The following SHANK2 variants were observed in gnomAD, a reference collection of about 807,000 sequenced individuals.
The protein encoded by SHANK2 is SH3 and multiple ankyrin repeat domains 2.
A neutral mutation model predicts 133.7 loss-of-function variants in SHANK2; 43 were observed. That is an observed-to-expected ratio of 0.32 (90% CI 0.25 to 0.41). The LOEUF is 0.41. Ranked by LOEUF, SHANK2 falls within the 10% of genes least tolerant of loss-of-function variation. The pLI is 1.00. For synonymous variants in SHANK2, 1,017 were observed against 952.8 expected (o/e 1.07, Z -1.24); for missense variants, 1,994 against 2,235.8 (o/e 0.89, Z 2.18).
At chr11:70,802,619 T>G (rs1011068006) in intron 13 of SHANK2, among the ~76,000 whole-genome samples, 18 of 152,204 alleles carry the variant, frequency 1.2e-4, no homozygotes, top group African/African-American at 4.1e-4. Context: ...CTGCTTAAAT[T>G]GACACAGGAC....
intron 15 of SHANK2, among the ~76,000 whole-genome samples, chr11:70,669,801 C>T (rs566118157): frequency 6.6e-6 from 1 of 152,014 alleles, no homozygotes; most frequent in African/African-American, 2.4e-5. Flanking sequence ...CGTGTAGAAC[C>T]ACTCGGAGGG....
intron 2 of SHANK2, among the ~76,000 whole-genome samples, chr11:71,195,264 C>A (rs941567250): frequency 4.6e-5 from 7 of 152,040 alleles, no homozygotes; most frequent in Non-Finnish European, 7.4e-5. Flanking sequence ...TGGTGGCGGG[C>A]GCCTGTAGTC....
At chr11:70,661,745 C>G in intron 15 of SHANK2, 67 bp from the exon 16 acceptor site, 1 of 1,614,138 alleles carries the variant, frequency 6.2e-7, no homozygotes, top group Non-Finnish European at 8.5e-7. Flanking sequence ...GGCCGCTCCT[C>G]CGCCGGGGAC....
chr11:70,753,964 AC>A (rs1946810725), intron 14 of SHANK2, among the ~76,000 whole-genome samples: 1 of 152,120 alleles, frequency 6.6e-6, no homozygotes, highest in Non-Finnish European at 1.5e-5. Context: ...GGCGTGCACC[AC>A]CATGCCTGAC....
intron 17 of SHANK2, among the ~76,000 whole-genome samples, chr11:70,543,832 C>T (rs539919): frequency 6.6e-6 from 1 of 152,128 alleles, no homozygotes; most frequent in Admixed American, 6.5e-5. Flanking sequence ...TGAGCCTCAC[C>T]CTATGGGATC....
rs1344136024 is a variant in SHANK2, at chr11:71,139,901, C to T, written c.207+7219G>A. 6.6e-5 allele frequency among the ~76,000 whole-genome samples: 10 copies of T among 152,204 alleles called. No homozygotes were observed. The East Asian group carries it at 7.7e-4, about 12-fold the overall frequency. The stretch of plus-strand genomic sequence containing the variant: ...GTGAGGCTCAGAAACAGCACTCACT[C>T]GGCCAGCAGCAGTGGGCCCGGACAG... On this transcript the variant is annotated intron_variant, in intron 3 of 25. Coordinates refer to ENST00000601538, the MANE Select transcript of SHANK2 (RefSeq NM_012309.5).
chr11:71,064,561 T>C, intron 9 of SHANK2, among the ~76,000 whole-genome samples: 1 of 149,836 alleles, frequency 6.7e-6, no homozygotes, highest in Admixed American at 6.6e-5. Flanking sequence ...TGACAGAAAG[T>C]GGATTTGAGG....
chr11:71,163,404 A>G (rs528692830), intron 2 of SHANK2, among the ~76,000 whole-genome samples: 2 of 152,338 alleles, frequency 1.3e-5, no homozygotes, highest in South Asian at 4.1e-4. Flanking sequence ...GAAGCTGGAC[A>G]GATGTGCTTG....
At chr11:71,249,819 C>T (rs1425605276) in intron 1 of SHANK2, among the ~76,000 whole-genome samples, 2 of 152,188 alleles carry the variant, frequency 1.3e-5, no homozygotes, top group Non-Finnish European at 2.9e-5. Context: ...ATTCCCGGCC[C>T]GTTTTTCTCT....
At chr11:70,538,972 G>A (rs782334898) in intron 17 of SHANK2, among the ~76,000 whole-genome samples, 2 of 152,218 alleles carry the variant, frequency 1.3e-5, no homozygotes, top group Non-Finnish European at 2.9e-5. Flanking sequence ...TTACCCCGTC[G>A]GCCGCCACAA....
chr11:70,844,983 G>A (rs919962895), intron 11 of SHANK2, among the ~76,000 whole-genome samples: 9 of 152,056 alleles, frequency 5.9e-5, no homozygotes, highest in African/African-American at 1.7e-4. Context: ...GGTGGATCAC[G>A]AGGTTAGGAA....
intron 11 of SHANK2, among the ~76,000 whole-genome samples, chr11:70,887,913 C>T (rs1259322765): frequency 6.6e-6 from 1 of 152,104 alleles, no homozygotes; most frequent in Non-Finnish European, 1.5e-5. Flanking sequence ...CTTGTGAGCA[C>T]CAAGGGTTTG....
At chr11:70,537,598 G>A (rs2059562219) in intron 17 of SHANK2, among the ~76,000 whole-genome samples, 2 of 152,214 alleles carry the variant, frequency 1.3e-5, no homozygotes, top group Admixed American at 1.3e-4. Context: ...GCAGCCCTGT[G>A]AGGCTGCTGT....
At chr11:70,854,381 A>G (rs2135478639) in intron 11 of SHANK2, among the ~76,000 whole-genome samples, 1 of 152,296 alleles carries the variant, frequency 6.6e-6, no homozygotes. Context: ...GTGCCTTGTA[A>G]CTGTGGCTAG....
intron 11 of SHANK2, among the ~76,000 whole-genome samples, chr11:70,877,887 GCA>G (rs1949594267): frequency 6.6e-6 from 1 of 152,236 alleles, no homozygotes; most frequent in Admixed American, 6.5e-5. Flanking sequence ...TGAATAGTCA[GCA>G]ATTGACTCAA....
chr11:70,507,672 C>A (rs1412660291), intron 17 of SHANK2, among the ~76,000 whole-genome samples: 1 of 152,124 alleles, frequency 6.6e-6, no homozygotes, highest in Non-Finnish European at 1.5e-5. Context: ...CAGACACGGA[C>A]ATGAGGTCTG....
At chr11:71,153,933 G>A (rs1952851507) in intron 2 of SHANK2, among the ~76,000 whole-genome samples, 1 of 152,158 alleles carries the variant, frequency 6.6e-6, no homozygotes, top group Non-Finnish European at 1.5e-5. Context: ...TCGTACCACT[G>A]CACTCCAGCC....
rs140882672 is a variant in SHANK2 at position 71,198,014 on chromosome 11, C to T, written c.-13+26683G>A. Among the ~76,000 whole-genome samples, 537 of 152,326 alleles carry T rather than the reference C, an allele frequency of 3.5e-3. 3 individuals carry two copies. Among genetic ancestry groups the T allele is most frequent in the African/African-American group, 0.012 (506 of 41,574 alleles). ...CAGTCACTGCTAAGGATGGTGAAAG[C>T]GCAGCAGTTGCCGAAGCTTCACTCT... On this transcript the variant is annotated intron_variant, in intron 2 of 25. Coordinates refer to ENST00000601538, the MANE Select transcript of SHANK2 (RefSeq NM_012309.5).
At chr11:70,718,220 C>T (rs1470863544) in intron 14 of SHANK2, among the ~76,000 whole-genome samples, 5 of 152,242 alleles carry the variant, frequency 3.3e-5, no homozygotes, top group African/African-American at 9.6e-5. Context: ...CAGCTGTCCT[C>T]GTCCCCAGTA....
Sources: allele counts gnomAD v4.1 joint callset (sites outside exome capture counted in the v4.1 genomes callset), GRCh38; gene constraint gnomAD v4.1.1; transcripts MANE v1.5; gene names NCBI Gene and HGNC (gene_info 2026-07-23, HGNC 2026-07-21).